Variants in ECE1 observed in about 807,000 individuals in gnomAD.
The protein encoded by ECE1 is endothelin converting enzyme 1, also known as endothelin-converting enzyme 1.
In ECE1, 35 loss-of-function variants were observed where a neutral mutation model predicts 98.6. That is an observed-to-expected ratio of 0.35 (90% confidence interval 0.27 to 0.47). The LOEUF is 0.47. Among genes scored for constraint, ECE1 ranks in the 20% least tolerant of loss-of-function variants. The pLI, the probability that ECE1 is intolerant of heterozygous loss-of-function variation, is 1.00. For missense variants in ECE1, 814 were observed against 1,025.3 expected, an observed-to-expected ratio of 0.79 and a Z score of 2.81; for synonymous variants, 394 against 407.1, an observed-to-expected ratio of 0.97 and a Z score of 0.39.
At chr1:21,244,633 G>A (rs1436569870) in intron 10 of ECE1, among the ~76,000 whole-genome samples, 5 of 152,252 alleles carry the variant, frequency 3.3e-5, no homozygotes, top group East Asian at 1.9e-4. Flanking sequence ...CTGAACAGTC[G>A]CGTGGTGCTT....
chr1:21,330,556 T>C (rs1277485463), intron 1 of ECE1, among the ~76,000 whole-genome samples: 1 of 151,994 alleles, frequency 6.6e-6, no homozygotes, highest in Non-Finnish European at 1.5e-5. Context: ...TATTCAGCAA[T>C]TTACCTGCTA....
intron 1 of ECE1, among the ~76,000 whole-genome samples, chr1:21,333,188 G>A (rs971505198): frequency 2.0e-5 from 3 of 152,148 alleles, no homozygotes; most frequent in Non-Finnish European, 4.4e-5. Flanking sequence ...GAACAAACAG[G>A]TATTGGTGGT....
intron 3 of ECE1, among the ~76,000 whole-genome samples, chr1:21,275,204 G>T (rs930411955): frequency 6.6e-6 from 1 of 152,204 alleles, no homozygotes; most frequent in South Asian, 2.1e-4. Flanking sequence ...GTCTGTGTGT[G>T]AGAGAGAGAC....
chr1:21,246,373 C>G (rs1296411123), intron 9 of ECE1, among the ~76,000 whole-genome samples: 2 of 151,456 alleles, frequency 1.3e-5, no homozygotes, highest in African/African-American at 4.9e-5. Context: ...GTGGCAGGCG[C>G]CTATAATCCC....
In ECE1 at chr1:21,312,617, TTAAA is replaced by T. The variant is rs111907863; in HGVS notation, c.4-22465_4-22462del. ...TAGTGACAAAGCAAGACCCTGTCTC[TTAAA>T]TAAATAAATAAAAAGAGCAAGCAGC... is the stretch of plus-strand genomic sequence containing the variant. On this transcript the variant is annotated intron_variant, in intron 1 of 18. Transcript: ENST00000415912. Among the ~76,000 whole-genome samples, 10 of 151,838 alleles carry T rather than the reference TTAAA, an allele frequency of 6.6e-5. No individual in the cohort carries two copies. In the East Asian group the frequency reaches 1.2e-3, roughly 18 times the overall value.
rs2098162064 is a variant in ECE1, at chr1:21,217,409, C to T, written c.*2546G>A. ...TCCCCAGGCCTAAGGGGAGGGGTCT[C>T]ACTTCATTTTCCTTAAAGCTCTGGA... is the stretch of plus-strand genomic sequence containing the variant. On this transcript the variant is annotated 3_prime_UTR_variant, in exon 19 of 19. Coordinates refer to ENST00000374893, the MANE Select transcript of ECE1 (RefSeq NM_001397.3). 1 of 152,240 alleles carries T rather than the reference C, an allele frequency of 6.6e-6. No homozygotes were observed. The highest frequency in any genetic ancestry group is 2.4e-5 in the African/African-American group (1 of 41,454). The allele number at this position is 152,240 out of a possible 1,614,324, so 9.4% of individuals were successfully genotyped here.
intron 1 of ECE1, among the ~76,000 whole-genome samples, chr1:21,315,469 T>C (rs964645376): frequency 6.6e-6 from 1 of 152,130 alleles, no homozygotes; most frequent in Non-Finnish European, 1.5e-5. Flanking sequence ...TGGAAAGTCC[T>C]AGGGGCTTGT....
chr1:21,275,282 C>T (rs1457084144), intron 3 of ECE1, among the ~76,000 whole-genome samples: 2 of 151,980 alleles, frequency 1.3e-5, no homozygotes, highest in African/African-American at 4.8e-5. Flanking sequence ...AAAAACAAAA[C>T]AAGAAACTAG....
chr1:21,304,646 C>T (rs1446911858), intron 1 of ECE1, among the ~76,000 whole-genome samples: 3 of 152,126 alleles, frequency 2.0e-5, no homozygotes, highest in Non-Finnish European at 2.9e-5. Context: ...CAGCCACCTC[C>T]GAGGATGAGA....
intron 1 of ECE1, chr1:21,299,532 A>G (rs1442040804): frequency 2.6e-5 from 4 of 152,494 alleles, no homozygotes; most frequent in Non-Finnish European, 4.4e-5. Context: ...TCTCGGTCCC[A>G]GTTCTAACAC....
intron 11 of ECE1, 134 bp from the exon 12 acceptor site, chr1:21,236,978 G>A (rs952848752): frequency 1.1e-6 from 1 of 880,424 alleles, no homozygotes; most frequent in Non-Finnish European, 1.9e-6. Flanking sequence ...GAGAAGGGGA[G>A]CCACAGCTGT....
intron 1 of ECE1, among the ~76,000 whole-genome samples, chr1:21,341,138 G>A (rs531381409): frequency 9.2e-4 from 140 of 151,912 alleles, no homozygotes; most frequent in African/African-American, 2.8e-3. Context: ...TCAGGTTCCC[G>A]GTCCAATCCC....
At chr1:21,317,281 C>T (rs753088963) in intron 1 of ECE1, among the ~76,000 whole-genome samples, 2 of 152,162 alleles carry the variant, frequency 1.3e-5, no homozygotes, top group Admixed American at 6.5e-5. Context: ...GGAATCCTAT[C>T]GCCCACTGTT....
intron 1 of ECE1, among the ~76,000 whole-genome samples, chr1:21,318,928 A>C (rs1294561164): frequency 6.6e-6 from 1 of 152,242 alleles, no homozygotes; most frequent in East Asian, 1.9e-4. Context: ...GCAGATGCGA[A>C]GGAATACTAT....
In ECE1 at chr1:21,325,973, C is replaced by T. The variant is rs1237631117; in HGVS notation, c.3+19403G>A. ...CAAACTTGCTGCCAGCTTCCCCTAGCGCAGTGATTTCCACAACGGAGCTCC... is the reference window on the plus strand; with the variant it reads ...CAAACTTGCTGCCAGCTTCCCCTAGTGCAGTGATTTCCACAACGGAGCTCC... On this transcript the variant is annotated intron_variant, in intron 1 of 18. Transcript: ENST00000415912. 9.9e-5 allele frequency among the ~76,000 whole-genome samples: 15 copies of T among 152,284 alleles called. No homozygotes were observed. The East Asian group carries it at 2.7e-3, about 28-fold the overall frequency.
intron 4 of ECE1, among the ~76,000 whole-genome samples, chr1:21,268,187 T>C (rs1232268754): frequency 6.6e-6 from 1 of 151,644 alleles, no homozygotes; most frequent in East Asian, 1.9e-4. Context: ...TTGGAGGGGG[T>C]GGTGTAGGCT....
At chr1:21,281,349 T>C (rs1041302840) in intron 2 of ECE1, among the ~76,000 whole-genome samples, 1 of 152,176 alleles carries the variant, frequency 6.6e-6, no homozygotes, top group South Asian at 2.1e-4. Context: ...GAATCTCTTC[T>C]GAAAAAGTGA....
chr1:21,298,999 TG>T, intron 1 of ECE1: 1 of 406,592 alleles, frequency 2.5e-6, no homozygotes. Flanking sequence ...TGTGATGTCC[TG>T]GACTGTGTGA....
intron 3 of ECE1, among the ~76,000 whole-genome samples, chr1:21,273,693 T>A (rs754976584): frequency 4.6e-5 from 7 of 152,308 alleles, no homozygotes; most frequent in African/African-American, 1.4e-4. Flanking sequence ...CCAGGTGCCG[T>A]GGCTCACGCC....
Sources: allele counts gnomAD v4.1 joint callset (sites outside exome capture counted in the v4.1 genomes callset), GRCh38; gene constraint gnomAD v4.1.1; transcripts MANE v1.5; gene names NCBI Gene and HGNC (gene_info 2026-07-23, HGNC 2026-07-21).